NBAS: variants seen among roughly 807,000 people sequenced by gnomAD.
The protein encoded by NBAS is NAG/BC035112 fusion.
NBAS carries 219 observed loss-of-function variants against 302.5 expected under a neutral mutation model. That is an observed-to-expected ratio of 0.72 (90% CI 0.65 to 0.81). The LOEUF is 0.81. Ranked by LOEUF, NBAS falls within the 30% of genes least tolerant of loss-of-function variation. The pLI is 0.00. For synonymous variants in NBAS, 1,118 were observed against 1,021.6 expected (o/e 1.09, Z -1.80); for missense variants, 2,932 against 2,841.6 (o/e 1.03, Z -0.72).
the NBAS span, among the ~76,000 whole-genome samples, chr2:15,098,667 CATT>C: frequency 9.9e-6 from 1 of 100,562 alleles, no homozygotes; most frequent in African/African-American, 4.2e-5. Context: ...ATATTATATA[CATT>C]ATATTATATA....
chr2:14,932,322 G>A, the NBAS span, among the ~76,000 whole-genome samples: 8 of 152,338 alleles, frequency 5.3e-5, 1 homozygote, highest in Admixed American at 1.3e-4. Flanking sequence ...ATGACAGATA[G>A]AAGTCCAGAG....
At chr2:15,551,102 T>C (rs949130892) in intron 6 of NBAS, among the ~76,000 whole-genome samples, 7 of 152,198 alleles carry the variant, frequency 4.6e-5, no homozygotes, top group East Asian at 1.9e-4. Context: ...AAACAGCACA[T>C]ACACGTAAAT....
At chr2:15,464,741 C>G (rs75820500) in intron 19 of NBAS, among the ~76,000 whole-genome samples, 1 of 152,270 alleles carries the variant, frequency 6.6e-6, no homozygotes, top group African/African-American at 2.4e-5. Flanking sequence ...CAACCTCTGA[C>G]AAAAATTCAA....
chr2:15,300,175 TA>T (rs756658002), intron 40 of NBAS, among the ~76,000 whole-genome samples: 14 of 152,196 alleles, frequency 9.2e-5, no homozygotes, highest in Non-Finnish European at 1.8e-4. Context: ...TCAATACTTT[TA>T]TCCAAGGCTA....
At chr2:15,280,289 G>C (rs1669765508) in intron 42 of NBAS, among the ~76,000 whole-genome samples, 1 of 152,038 alleles carries the variant, frequency 6.6e-6, no homozygotes, top group Non-Finnish European at 1.5e-5. Context: ...AGCTGAGATG[G>C]AGTGATTATA....
intron 48 of NBAS, among the ~76,000 whole-genome samples, chr2:15,218,058 G>A (rs1666730187): frequency 6.6e-6 from 1 of 152,170 alleles, no homozygotes; most frequent in Non-Finnish European, 1.5e-5. Context: ...GTCCTTCTAA[G>A]TATAGGGAGA....
chr2:15,267,007 C>T (rs1162778099), intron 44 of NBAS, among the ~76,000 whole-genome samples: 1 of 152,086 alleles, frequency 6.6e-6, no homozygotes, highest in Non-Finnish European at 1.5e-5. Context: ...TATCTATCAC[C>T]CAGCTTTTCC....
At chr2:15,307,821 T>A (rs1055461223) in intron 40 of NBAS, among the ~76,000 whole-genome samples, 7 of 151,946 alleles carry the variant, frequency 4.6e-5, no homozygotes, top group Admixed American at 2.0e-4. Context: ...AAAAAAAAAA[T>A]AAAAGTGCAG....
intron 42 of NBAS, among the ~76,000 whole-genome samples, chr2:15,278,790 T>C (rs1447737010): frequency 6.6e-6 from 1 of 152,124 alleles, no homozygotes; most frequent in African/African-American, 2.4e-5. Flanking sequence ...AAGAGAAGGA[T>C]CACTAAAAGC....
the NBAS span, among the ~76,000 whole-genome samples, chr2:14,799,853 T>A: frequency 1.3e-5 from 2 of 152,220 alleles, no homozygotes; most frequent in Admixed American, 1.3e-4. Flanking sequence ...TTGTAGTTTG[T>A]CTGATAATAA....
intron 31 of NBAS, among the ~76,000 whole-genome samples, chr2:15,373,353 C>T (rs149569523): frequency 6.6e-5 from 10 of 151,284 alleles, no homozygotes; most frequent in Non-Finnish European, 1.2e-4. Context: ...TATTTTGAGA[C>T]AGGTTCTAGG....
chr2:15,309,447 T>C (rs1671180464), intron 38 of NBAS, among the ~76,000 whole-genome samples, 200 bp from the exon 39 acceptor site: 1 of 152,150 alleles, frequency 6.6e-6, no homozygotes, highest in Admixed American at 6.5e-5. Flanking sequence ...TCAGAAAAAG[T>C]ATACTATTGG....
chr2:14,905,961 A>AT, the NBAS span, among the ~76,000 whole-genome samples: 1 of 152,198 alleles, frequency 6.6e-6, no homozygotes, highest in Admixed American at 6.5e-5. Flanking sequence ...GCATACACTG[A>AT]TGAGTACGCT....
chr2:15,125,766 G>A, the NBAS span, among the ~76,000 whole-genome samples: 1 of 152,132 alleles, frequency 6.6e-6, no homozygotes, highest in East Asian at 1.9e-4. Flanking sequence ...TACCACCATT[G>A]TATCTTGGAA....
the NBAS span, among the ~76,000 whole-genome samples, chr2:15,125,754 T>C: frequency 6.6e-6 from 1 of 152,224 alleles, no homozygotes; most frequent in African/African-American, 2.4e-5. Flanking sequence ...ACCCAATGCC[T>C]GTACCACCAT....
chr2:14,845,500 A>G, the NBAS span, among the ~76,000 whole-genome samples: 1 of 152,366 alleles, frequency 6.6e-6, no homozygotes, highest in Non-Finnish European at 1.5e-5. Flanking sequence ...CAAGACAGAG[A>G]TGAACATCCA....
chr2:14,818,768 T>C, the NBAS span, among the ~76,000 whole-genome samples: 2 of 152,294 alleles, frequency 1.3e-5, no homozygotes, highest in South Asian at 2.1e-4. Flanking sequence ...CAAGGCAAGC[T>C]ACTGAGGATA....
At chr2:15,460,226 C>G (rs1447777449) in intron 21 of NBAS, among the ~76,000 whole-genome samples, 11 of 152,112 alleles carry the variant, frequency 7.2e-5, no homozygotes, top group Non-Finnish European at 1.5e-4. Context: ...CTACAAGGTA[C>G]TTTACAGTAT....
chr2:15,336,731 G>GA (rs562071247), intron 35 of NBAS, among the ~76,000 whole-genome samples: 45 of 144,014 alleles, frequency 3.1e-4, no homozygotes, highest in East Asian at 1.4e-3. Flanking sequence ...CTCCATATAG[G>GA]AAAAAAAAAA....
Sources: gnomAD v4.1 joint callset for allele counts (sites outside exome capture counted in the v4.1 genomes callset) on GRCh38, gnomAD v4.1.1 for gene constraint, MANE v1.5 for transcripts, NCBI Gene and HGNC (gene_info 2026-07-23, HGNC 2026-07-21) for gene names.